FAAH2: variants seen among roughly 807,000 people sequenced by gnomAD.
The protein encoded by FAAH2 is fatty-acid amide hydrolase 2.
FAAH2 carries 60 observed loss-of-function variants against 36.9 expected under a neutral mutation model. The ratio of observed to expected loss-of-function variants is 1.63; its 90% CI spans 1.32 to 2.02. The LOEUF is 2.02. FAAH2 is among the 30% of genes most tolerant of loss of function. FAAH2 has a pLI of 0.00. For synonymous variants in FAAH2, 214 were observed against 143.8 expected, an observed-to-expected ratio of 1.49 and a Z score of -3.49; for missense variants, 689 against 397.5, an observed-to-expected ratio of 1.73 and a Z score of -6.23.
intron 7 of FAAH2, among the ~76,000 whole-genome samples, chrX:57,386,030 G>T (rs1431480909): frequency 2.7e-5 from 3 of 111,822 alleles, no homozygotes; most frequent in African/African-American, 9.7e-5. Context: ...AAACTCAGTG[G>T]ATTTTTAAAT....
chrX:57,380,806 C>T, intron 6 of FAAH2, 106 bp from the exon 7 acceptor site: 1 of 479,216 alleles, frequency 2.1e-6, no homozygotes, highest in Non-Finnish European at 3.5e-6. Flanking sequence ...ACACAGTGCT[C>T]AGGGAAAAAA....
At chrX:57,308,055 C>T (rs1440257171) in intron 2 of FAAH2, among the ~76,000 whole-genome samples, 1 of 111,730 alleles carries the variant, frequency 9.0e-6, no homozygotes, top group Non-Finnish European at 1.9e-5. Flanking sequence ...TGATGGGCAT[C>T]TAGATTGATT....
At chrX:57,250,772 AAACT>A in the FAAH2 span, among the ~76,000 whole-genome samples, 2 of 110,813 alleles carry the variant, frequency 1.8e-5, no homozygotes, top group East Asian at 5.6e-4. Flanking sequence ...AATAAAAAAA[AAACT>A]AAGAAACATT....
chrX:57,275,908 C>T, the FAAH2 span, among the ~76,000 whole-genome samples: 3 of 111,689 alleles, frequency 2.7e-5, no homozygotes, highest in African/African-American at 9.8e-5. Context: ...TACAGGAGCA[C>T]CCAGATTCAT....
Position 57,327,594 on chromosome X carries a change from T to C in FAAH2, c.413-4004T>C, listed in dbSNP as rs755275043. ...CTCACTTCATTTCATTCATTTGATC[T>C]TCCATCACTGGTACCCTTTCTTCCA... On this transcript the variant is annotated intron_variant, in intron 3 of 10. Transcript: ENST00000374900. Among the ~76,000 whole-genome samples the C allele has an allele frequency of 2.7e-5, 3 of 111,555 alleles. No individual in the cohort carries two copies. In the South Asian group the frequency reaches 1.1e-3, roughly 43 times the overall value.
the FAAH2 span, among the ~76,000 whole-genome samples, chrX:57,235,999 C>A: frequency 8.9e-6 from 1 of 112,302 alleles, no homozygotes; most frequent in African/African-American, 3.2e-5. Context: ...ATCTTCCATT[C>A]TCCACTCCCA....
At chrX:57,192,003 G>T in the FAAH2 span, among the ~76,000 whole-genome samples, 1 of 111,445 alleles carries the variant, frequency 9.0e-6, no homozygotes, top group Admixed American at 9.6e-5. Context: ...TTCTATTTCT[G>T]TGAAGAATGT....
At chrX:57,328,654 G>A (rs1256141781) in intron 3 of FAAH2, among the ~76,000 whole-genome samples, 1 of 112,090 alleles carries the variant, frequency 8.9e-6, no homozygotes, top group Admixed American at 9.5e-5. Context: ...AATTGTCAGA[G>A]TTCTTGTGCT....
the FAAH2 span, among the ~76,000 whole-genome samples, chrX:57,258,946 C>A: frequency 2.8e-5 from 3 of 108,817 alleles, no homozygotes; most frequent in Admixed American, 9.8e-5. Context: ...GGTCTCATCT[C>A]CTGACCTTGT....
chrX:57,456,910 C>G (rs188113283), intron 10 of FAAH2, among the ~76,000 whole-genome samples: 249 of 111,590 alleles, frequency 2.2e-3, no homozygotes, highest in African/African-American at 7.5e-3. Context: ...CCAAGAAAAT[C>G]GAAGAAGAGT....
rs781174786 is a variant in FAAH2 at position 57,447,002 on chromosome X, G to T, written c.1191G>T (p.Trp397Cys). ...HVSPLWELIK[W>C]CLGLSVYTIP... The stretch of plus-strand genomic sequence containing the variant: ...GTCCTCTGTGGGAGTTGATCAAATG[G>T]TGCCTGGGTCTGTCAGTGTACACCA... Residue 397 changes from tryptophan to cysteine, a missense_variant, in exon 9 of 11, where the codon TGG becomes TGT. Coordinates refer to ENST00000374900, the MANE Select transcript of FAAH2 (RefSeq NM_174912.4). The T allele has an allele frequency of 9.1e-6, 11 of 1,206,713 alleles. No individual in the cohort carries two copies. Among genetic ancestry groups the T allele is most frequent in the Non-Finnish European group, 1.2e-5 (11 of 893,408 alleles).
intron 7 of FAAH2, among the ~76,000 whole-genome samples, chrX:57,398,157 C>A (rs2055349516): frequency 8.9e-6 from 1 of 111,928 alleles, no homozygotes; most frequent in Non-Finnish European, 1.9e-5. Context: ...TGGGTATATA[C>A]CCAAAGGATT....
At chrX:57,358,767 C>A (rs1271103560) in intron 5 of FAAH2, among the ~76,000 whole-genome samples, 1 of 111,268 alleles carries the variant, frequency 9.0e-6, no homozygotes. Flanking sequence ...ATGTGAATCT[C>A]CTATTTTTAC....
intron 6 of FAAH2, among the ~76,000 whole-genome samples, chrX:57,379,642 G>A (rs555300027): frequency 4.6e-5 from 5 of 108,703 alleles, no homozygotes; most frequent in African/African-American, 1.7e-4. Context: ...CATTTTTTTA[G>A]CCCCTTATTC....
At chrX:57,392,812 CT>C in intron 7 of FAAH2, 1 of 656,461 alleles carries the variant, frequency 1.5e-6, no homozygotes, top group Non-Finnish European at 2.6e-6. Context: ...GTAGGGACAC[CT>C]TTTCGCTCTG....
the FAAH2 span, among the ~76,000 whole-genome samples, chrX:57,144,397 A>G: frequency 9.3e-6 from 1 of 108,094 alleles, no homozygotes; most frequent in Non-Finnish European, 1.9e-5. Context: ...ATTTGAATAA[A>G]CATTCTACCC....
the FAAH2 span, among the ~76,000 whole-genome samples, chrX:57,142,199 G>C: frequency 1.9e-4 from 21 of 111,669 alleles, no homozygotes; most frequent in African/African-American, 5.5e-4. Context: ...TTTTTAGGTT[G>C]TTTATTTGAA....
the FAAH2 span, among the ~76,000 whole-genome samples, chrX:57,168,567 T>TC: frequency 2.7e-5 from 3 of 112,045 alleles, no homozygotes; most frequent in Non-Finnish European, 5.6e-5. Flanking sequence ...AACCTCCAAT[T>TC]CAAACAGTGA....
chrX:57,165,205 A>G, the FAAH2 span, among the ~76,000 whole-genome samples: 1 of 112,134 alleles, frequency 8.9e-6, no homozygotes, highest in African/African-American at 3.2e-5. Flanking sequence ...TACCCAAAGG[A>G]CTATAAATCA....
Sources: allele counts gnomAD v4.1 joint callset (sites outside exome capture counted in the v4.1 genomes callset), GRCh38; gene constraint gnomAD v4.1.1; transcripts MANE v1.5; gene names NCBI Gene and HGNC (gene_info 2026-07-23, HGNC 2026-07-21).